Variants in RGS22 observed in about 807,000 individuals in gnomAD.
RGS22 encodes the protein regulator of G protein signaling 22, also known as regulator of G-protein signaling 22.
RGS22 carries 148 observed loss-of-function variants against 172.9 expected under a neutral mutation model. The observed-to-expected ratio is 0.86, with a 90% confidence interval of 0.75 to 0.98. The LOEUF (loss-of-function observed/expected upper bound fraction) is 0.98, where lower values mean the gene tolerates loss of function less well. Among genes scored for constraint, RGS22 ranks in the 50% least tolerant of loss-of-function variants. The probability of loss-of-function intolerance (pLI) is 0.00; values close to 1 mark genes in which losing one functional copy is unlikely to be tolerated. For missense variants in RGS22, 1,347 were observed against 1,440.8 expected (o/e 0.93, Z 1.05); for synonymous variants, 458 against 480.2 (o/e 0.95, Z 0.60).
intron 14 of RGS22, among the ~76,000 whole-genome samples, chr8:100,012,285 G>A (rs960645823): frequency 6.6e-6 from 1 of 152,076 alleles, no homozygotes; most frequent in Non-Finnish European, 1.5e-5. Flanking sequence ...TAAGGGAGAA[G>A]GGCATGTAGA....
intron 9 of RGS22, among the ~76,000 whole-genome samples, chr8:100,055,809 G>C (rs1295299606): frequency 1.3e-5 from 2 of 152,118 alleles, no homozygotes; most frequent in Non-Finnish European, 2.9e-5. Flanking sequence ...GTGGAACTGT[G>C]AGTTCATTAA....
chr8:99,971,581 A>G (rs1370543799), intron 23 of RGS22, among the ~76,000 whole-genome samples: 1 of 152,146 alleles, frequency 6.6e-6, no homozygotes, highest in Non-Finnish European at 1.5e-5. Context: ...ATACACCAAT[A>G]ATAGACAAAC....
intron 14 of RGS22, among the ~76,000 whole-genome samples, chr8:100,010,900 T>G (rs1816308972): frequency 6.6e-6 from 1 of 151,258 alleles, no homozygotes; most frequent in South Asian, 2.1e-4. Context: ...CACCTTGACA[T>G]CCCAAAGAGC....
At chr8:100,039,866 C>A in intron 13 of RGS22, 96 bp downstream of exon 13, 1 of 656,360 alleles carries the variant, frequency 1.5e-6, no homozygotes, top group Non-Finnish European at 2.3e-6. Flanking sequence ...GGAATTTTAA[C>A]ATCAAATATA....
intron 11 of RGS22, among the ~76,000 whole-genome samples, chr8:100,046,976 G>A (rs1297316073): frequency 1.3e-5 from 2 of 151,754 alleles, no homozygotes; most frequent in Admixed American, 6.6e-5. Context: ...CACCACACTC[G>A]GCTAATTTTT....
chr8:100,089,120 G>A (rs898778927), intron 3 of RGS22, among the ~76,000 whole-genome samples: 2 of 151,694 alleles, frequency 1.3e-5, no homozygotes, highest in African/African-American at 4.8e-5. Flanking sequence ...AATAAACAGA[G>A]AAGAAGGAAA....
intron 3 of RGS22, chr8:100,092,020 T>C (rs79122074): frequency 6.6e-6 from 1 of 151,730 alleles, no homozygotes; most frequent in African/African-American, 2.4e-5. Context: ...AAAATTATTT[T>C]AGAAAAATAA....
At chr8:100,070,205 G>A (rs538232530) in intron 6 of RGS22, among the ~76,000 whole-genome samples, 1 of 152,156 alleles carries the variant, frequency 6.6e-6, no homozygotes, top group Non-Finnish European at 1.5e-5. Context: ...TGTGGAGACT[G>A]CTAAGTTGAG....
Position 100,051,581 on chromosome 8 carries a change from T to A in RGS22, c.1689+1221A>T, listed in dbSNP as rs1359483566. 2.7e-3 allele frequency among the ~76,000 whole-genome samples: 176 copies of A among 64,810 alleles called. 8 individuals are homozygous for A. The highest frequency in any genetic ancestry group is 0.012 in the African/African-American group (165 of 14,152). The allele number at this position is 64,810 out of a possible 152,430, so 42.5% of individuals were successfully genotyped here. On this transcript the variant is annotated intron_variant, in intron 10 of 27. Coordinates refer to ENST00000360863, the MANE Select transcript of RGS22 (RefSeq NM_015668.5). Reference sequence around the variant, plus strand: ...TATATAAATATATATTTATATATGTTTATACATATATAAATATATATTTAT... The same window carrying A: ...TATATAAATATATATTTATATATGTATATACATATATAAATATATATTTAT...
At chr8:100,057,770 T>C (rs879432157) in intron 9 of RGS22, among the ~76,000 whole-genome samples, 3 of 152,118 alleles carry the variant, frequency 2.0e-5, no homozygotes, top group Non-Finnish European at 4.4e-5. Flanking sequence ...TCTTTATTAG[T>C]AGCATGAGAA....
chr8:100,094,077 T>C (rs867515572), intron 2 of RGS22, among the ~76,000 whole-genome samples: 19 of 152,346 alleles, frequency 1.2e-4, no homozygotes, highest in Non-Finnish European at 2.2e-4. Flanking sequence ...ACAATGCATG[T>C]GTTCTAAGAA....
intron 14 of RGS22, among the ~76,000 whole-genome samples, chr8:100,010,743 GA>G (rs1816284824): frequency 6.6e-6 from 1 of 151,490 alleles, no homozygotes; most frequent in Non-Finnish European, 1.5e-5. Flanking sequence ...CCCTAGAAAA[GA>G]CTCATTTATG....
chr8:100,002,122 C>A, intron 18 of RGS22, 80 bp downstream of exon 18: 1 of 1,113,060 alleles, frequency 9.0e-7, no homozygotes, highest in Admixed American at 2.5e-5. Flanking sequence ...AAATAAGAGA[C>A]TTTCAGGTTG....
At chr8:100,016,648 G>A (rs186232810) in intron 14 of RGS22, among the ~76,000 whole-genome samples, 5 of 152,082 alleles carry the variant, frequency 3.3e-5, no homozygotes, top group African/African-American at 1.2e-4. Flanking sequence ...ATGGTGGCAG[G>A]CGCCTGTAGT....
At chr8:100,039,683 T>C (rs985251255) in intron 13 of RGS22, among the ~76,000 whole-genome samples, 1 of 152,118 alleles carries the variant, frequency 6.6e-6, no homozygotes, top group African/African-American at 2.4e-5. Context: ...GCCAATACTT[T>C]TCATTTGAGC....
At chr8:99,998,092 AT>A (rs1814584814) in intron 19 of RGS22, among the ~76,000 whole-genome samples, 1 of 152,080 alleles carries the variant, frequency 6.6e-6, no homozygotes, top group South Asian at 2.1e-4. Flanking sequence ...AAATCTGCAT[AT>A]TTTTCCATAG....
chr8:100,059,605 A>G (rs953444205), intron 9 of RGS22, among the ~76,000 whole-genome samples: 1 of 152,190 alleles, frequency 6.6e-6, no homozygotes, highest in Non-Finnish European at 1.5e-5. Context: ...TTTTAAATAT[A>G]TATGTACCCA....
intron 9 of RGS22, among the ~76,000 whole-genome samples, chr8:100,054,613 T>A (rs1822051274): frequency 6.6e-6 from 1 of 152,038 alleles, no homozygotes; most frequent in East Asian, 1.9e-4. Context: ...TAAAAAATTT[T>A]AAAAATAAAA....
intron 21 of RGS22, among the ~76,000 whole-genome samples, chr8:99,987,175 A>C (rs1008011019): frequency 6.6e-6 from 1 of 152,182 alleles, no homozygotes. Context: ...GTTGGCACTC[A>C]AAAAGTTTCA....
Sources: allele counts gnomAD v4.1 joint callset (sites outside exome capture counted in the v4.1 genomes callset), GRCh38; gene constraint gnomAD v4.1.1; transcripts MANE v1.5; gene names NCBI Gene and HGNC (gene_info 2026-07-23, HGNC 2026-07-21).